INO80B: variants seen among roughly 807,000 people sequenced by gnomAD.
INO80B encodes INO80 complex subunit B, also known as IES2 homolog.
INO80B carries 18 observed loss-of-function variants against 31.4 expected under a neutral mutation model. The ratio of observed to expected loss-of-function variants is 0.57; its 90% CI spans 0.40 to 0.85. INO80B has a LOEUF of 0.85. Ranked by LOEUF, INO80B falls within the 40% of genes least tolerant of loss-of-function variation. INO80B has a pLI of 0.00. For synonymous variants in INO80B, 238 were observed against 199.0 expected (o/e 1.20, Z -1.65); for missense variants, 469 against 475.4 (o/e 0.99, Z 0.13).
rs754283217 is a variant in INO80B at position 74,455,799 on chromosome 2, T to C, written c.252-19T>C. 2.0e-5 allele frequency: 30 copies of C among 1,525,014 alleles called. No homozygotes were observed. The East Asian group carries it at 6.5e-4, about 33-fold the overall frequency. The allele number at this position is 1,525,014 out of a possible 1,614,324, so 94.5% of individuals were successfully genotyped here. ...GGAGACGCTTGCTCATTTTAAAGAG[T>C]AGTGTTGCTTCTCTGCAGTGTTCCT... On this transcript the variant is annotated intron_variant, in intron 2 of 4. Coordinates refer to ENST00000233331, the MANE Select transcript of INO80B (RefSeq NM_031288.4).
chr2:74,457,278 T>G, intron 4 of INO80B, 56 bp from the exon 5 acceptor site: 1 of 1,543,066 alleles, frequency 6.5e-7, no homozygotes, highest in Admixed American at 2.0e-5. Flanking sequence ...CTGGCCGACC[T>G]CGCCTCTCCA....
intron 2 of INO80B, 104 bp from the exon 3 acceptor site, chr2:74,455,713 AT>A: frequency 7.1e-7 from 1 of 1,410,642 alleles, no homozygotes; most frequent in Non-Finnish European, 9.8e-7. Context: ...CAGGGTCCAG[AT>A]TTAGGCAGCA....
Position 74,457,719 on chromosome 2 carries a change from G to T in INO80B, c.926G>T (p.Cys309Phe). 1 of 1,600,294 alleles carries T rather than the reference G, an allele frequency of 6.2e-7. No homozygotes were observed. Reference sequence around the variant, plus strand: ...TCCCCCTCAGGCCCGCCGCCGCGCTGCTCTGTCCCCGGCTGTCCCCATCCG... The same window carrying T: ...TCCCCCTCAGGCCCGCCGCCGCGCTTCTCTGTCCCCGGCTGTCCCCATCCG... ...RPSPSGPPPRCSVPGCPHPRR... is the reference protein window; with the variant it reads ...RPSPSGPPPRFSVPGCPHPRR... The change falls in exon 5 of 5, where the codon TGC (cysteine) becomes TTC (phenylalanine). Residue 309 changes from cysteine to phenylalanine, a missense_variant. Coordinates refer to ENST00000233331, the MANE Select transcript of INO80B (RefSeq NM_031288.4).
At chr2:74,457,313 C>A in intron 4 of INO80B, 21 bp from the exon 5 acceptor site, 1 of 1,593,952 alleles carries the variant, frequency 6.3e-7, no homozygotes. Flanking sequence ...CAGACAGCAC[C>A]CCGTCTCTGT....
At chr2:74,455,372 G>C in intron 1 of INO80B, 34 bp from the exon 2 acceptor site, 1 of 1,613,626 alleles carries the variant, frequency 6.2e-7, no homozygotes. Flanking sequence ...GCCACCCTCC[G>C]GCCAAACACT....
chr2:74,455,247 A>G (rs763057950), intron 1 of INO80B, 73 bp downstream of exon 1: 7 of 1,576,962 alleles, frequency 4.4e-6, no homozygotes, highest in South Asian at 1.1e-5. Flanking sequence ...CGGAGAGTCC[A>G]GGGTACTTCG....
rs747445939 is a variant in INO80B, at chr2:74,457,608, T to G, written c.815T>G (p.Met272Arg). ...RGGRAAAPAP[M>R]VRYCSGAQGS... ...GGGCGGGCTGCGGCTCCGGCCCCCA[T>G]GGTGCGCTACTGCAGCGGAGCACAG... Residue 272 changes from methionine to arginine, a missense_variant, in exon 5 of 5, where the codon ATG (methionine) becomes AGG (arginine). Physicochemically the swap from Met to Arg is moderately conservative, Grantham distance 91 (BLOSUM62 -1). Around this residue, in one of 3 missense-constraint regions of INO80B, gnomAD observed 201 missense variants for 151.7 expected, o/e 1.32. Transcript: ENST00000233331. 1.3e-5 allele frequency: 20 copies of G among 1,564,422 alleles called. No individual in the cohort carries two copies. Among genetic ancestry groups the G allele is most frequent in the Non-Finnish European group, 1.6e-5 (19 of 1,161,590 alleles).
intron 4 of INO80B, 101 bp downstream of exon 4, chr2:74,456,373 A>G (rs1671701782): frequency 4.2e-6 from 5 of 1,202,760 alleles, no homozygotes; most frequent in Non-Finnish European, 6.0e-6. Context: ...TCGATAGTAG[A>G]GAAAAGACAA....
Position 74,457,835 on chromosome 2 carries a change from G to C in INO80B, c.1042G>C (p.Gly348Arg). The C allele has an allele frequency of 6.4e-7, 1 of 1,573,410 alleles. No individual in the cohort carries two copies. Among genetic ancestry groups the C allele is most frequent in the Non-Finnish European group, 8.6e-7 (1 of 1,166,544 alleles). ...NLQMRLGGPE[G>R]PGSPLLAT ...GCAGATGCGGCTGGGGGGGCCCGAG[G>C]GTCCTGGATCCCCCCTTTTGGCTAC... is the stretch of plus-strand genomic sequence containing the variant. Residue 348 changes from glycine to arginine, a missense_variant, in exon 5 of 5, where the codon GGT becomes CGT. By Grantham distance (125) the Gly-to-Arg change is moderately radical. This residue lies in a region of INO80B where 201 missense variants were observed against 151.7 expected (regional missense o/e 1.32). Coordinates refer to ENST00000233331, the MANE Select transcript of INO80B (RefSeq NM_031288.4).
chr2:74,455,375 C>T, intron 1 of INO80B, 31 bp from the exon 2 acceptor site: 2 of 1,613,828 alleles, frequency 1.2e-6, no homozygotes, highest in Non-Finnish European at 1.7e-6. Context: ...ACCCTCCGGC[C>T]AAACACTGTC....
chr2:74,455,509 A>G lies in INO80B; in HGVS notation c.162A>G (p.Glu54=), dbSNP rs756824602. 1 of 1,614,178 alleles carries G rather than the reference A, an allele frequency of 6.2e-7. No homozygotes were observed. The highest frequency in any genetic ancestry group is 8.5e-7 in the Non-Finnish European group (1 of 1,180,034). The change falls in exon 2 of 5, where the codon GAA becomes GAG. Residue 54 remains glutamate, a synonymous_variant. Transcript: ENST00000233331. ...AACACAAGAAGAAACACCATCAGGA[A>G]GAAGACGCCGGGCCCACGCAGCCGT... The part of the protein sequence containing the change: ...KKKHKKKHHQ[E]EDAGPTQPSP...
chr2:74,456,521 CAGAT>C (rs1247760387), intron 4 of INO80B, among the ~76,000 whole-genome samples: 2 of 152,100 alleles, frequency 1.3e-5, no homozygotes, highest in African/African-American at 4.8e-5. Context: ...CGTAAACAAA[CAGAT>C]AGAAATGATG....
chr2:74,455,160 A>C lies in INO80B; in HGVS notation c.44A>C (p.Glu15Ala), dbSNP rs1335256782. 3 of 1,614,154 alleles carry C rather than the reference A, an allele frequency of 1.9e-6. No homozygotes were observed. The stretch of plus-strand genomic sequence containing the variant: ...CGTGGGAGCACCTCTGGGGCTATGG[A>C]GGCCCCTGAGCCGGGTAAGCGCGAA... ...WRRGSTSGAMEAPEPGEALEL... is the reference protein window; with the variant it reads ...WRRGSTSGAMAAPEPGEALEL... The change falls in exon 1 of 5, where the codon GAG becomes GCG. Residue 15 changes from glutamate (E) to alanine (A), a missense_variant. Around this residue, in one of 3 missense-constraint regions of INO80B, gnomAD observed 223 missense variants for 253.4 expected, o/e 0.88. Transcript: ENST00000233331.
chr2:74,455,893 A>G lies in INO80B; in HGVS notation c.327A>G (p.Glu109=). 3 of 1,613,736 alleles carry G rather than the reference A, an allele frequency of 1.9e-6. No homozygotes were observed. Among genetic ancestry groups the G allele is most frequent in the Middle Eastern group, 1.7e-4 (1 of 6,058 alleles). The change falls in exon 3 of 5, where the codon GAA becomes GAG. Residue 109 remains glutamate, a synonymous_variant. Transcript: ENST00000233331. ...TTATGGTTGTGGATAATGAAGAGGA[A>G]CCTATGGAAGGAGTCCCCCTTGAGC... ...SPLMVVDNEE[E]PMEGVPLEQY...
In INO80B at chr2:74,457,531, G is replaced by A. The variant is rs1260840632; in HGVS notation, c.738G>A (p.Ala246=). 1.3e-6 allele frequency: 2 copies of A among 1,528,740 alleles called. No individual in the cohort carries two copies. The highest frequency in any genetic ancestry group is 1.8e-6 in the Non-Finnish European group (2 of 1,139,456). 94.7% of individuals were successfully genotyped at this position (1,528,740 alleles called of 1,614,324 possible). ...NQTIERLTKT[A]ATSGRGGRGG... ...CTATCGAGCGCCTCACCAAGACTGCGGCGACCAGTGGGCGGGGAGGCCGGG... is the reference window on the plus strand; with the variant it reads ...CTATCGAGCGCCTCACCAAGACTGCAGCGACCAGTGGGCGGGGAGGCCGGG... Residue 246 remains alanine (A), a synonymous_variant, in exon 5 of 5, where the codon GCG becomes GCA. Coordinates refer to ENST00000233331, the MANE Select transcript of INO80B (RefSeq NM_031288.4).
intron 4 of INO80B, 60 bp downstream of exon 4, chr2:74,456,332 G>C (rs925986949): frequency 3.8e-6 from 6 of 1,572,826 alleles, no homozygotes; most frequent in Non-Finnish European, 4.4e-6. Flanking sequence ...AACTCTCCAC[G>C]ACCCACGCAC....
rs369158077 is a variant in INO80B, at chr2:74,456,136, G to A, written c.404G>A (p.Arg135Gln). 5.0e-6 allele frequency: 8 copies of A among 1,607,372 alleles called. No individual in the cohort carries two copies. Among genetic ancestry groups the A allele is most frequent in the South Asian group, 1.1e-5 (1 of 90,250 alleles). The change falls in exon 4 of 5, where the codon CGG becomes CAG. Residue 135 changes from arginine to glutamine, a missense_variant. Around this residue, in one of 3 missense-constraint regions of INO80B, gnomAD observed 223 missense variants for 253.4 expected, o/e 0.88. Coordinates refer to ENST00000233331, the MANE Select transcript of INO80B (RefSeq NM_031288.4). ...AGTAATCTCTCTCCCTCTCCACTTC[G>A]GGACCTATCAGGAGGGTTAGGGGGT... is the stretch of plus-strand genomic sequence containing the variant. The part of the protein sequence containing the change: ...EDSNLSPSPL[R>Q]DLSGGLGGQE...
chr2:74,457,289 T>G, intron 4 of INO80B, 45 bp from the exon 5 acceptor site: 5 of 1,563,242 alleles, frequency 3.2e-6, no homozygotes, highest in Non-Finnish European at 4.3e-6. Context: ...CGCCTCTCCA[T>G]CTTCCTCCAT....
chr2:74,456,770 G>A (rs1047444331), intron 4 of INO80B, among the ~76,000 whole-genome samples: 1 of 152,228 alleles, frequency 6.6e-6, no homozygotes, highest in African/African-American at 2.4e-5. Flanking sequence ...GAATCTTCGT[G>A]GAGACAAGAG....
Sources: allele counts gnomAD v4.1 joint callset (sites outside exome capture counted in the v4.1 genomes callset), GRCh38; gene constraint gnomAD v4.1.1; regional missense constraint gnomAD v4.1.1; transcripts MANE v1.5; gene names NCBI Gene and HGNC (gene_info 2026-07-23, HGNC 2026-07-21).